Variants in ZNF76 observed in about 807,000 individuals in gnomAD.
The protein encoded by ZNF76 is zinc finger protein 76.
Under a neutral mutation model 66.9 loss-of-function variants are expected in ZNF76, and 66 were observed. The ratio of observed to expected loss-of-function variants is 0.99; its 90% CI spans 0.81 to 1.21. The LOEUF (loss-of-function observed/expected upper bound fraction) is 1.21, where lower values mean the gene tolerates loss of function less well. ZNF76 is among the 50% of genes most tolerant of loss of function. ZNF76 has a pLI of 0.00. For missense variants in ZNF76, 729 were observed against 760.3 expected, an observed-to-expected ratio of 0.96 and a Z score of 0.48; for synonymous variants, 275 against 296.1, an observed-to-expected ratio of 0.93 and a Z score of 0.73.
intron 5 of ZNF76, among the ~76,000 whole-genome samples, chr6:35,290,018 C>T (rs1299662825): frequency 6.6e-6 from 1 of 152,198 alleles, no homozygotes; most frequent in Non-Finnish European, 1.5e-5. Flanking sequence ...ATAGCCGTCA[C>T]AGCCACTATG....
intron 1 of ZNF76, among the ~76,000 whole-genome samples, chr6:35,273,178 A>C: frequency 6.6e-6 from 1 of 150,864 alleles, no homozygotes; most frequent in South Asian, 2.1e-4. Context: ...AAAAACAAAA[A>C]ACAAAAAAAA....
intron 1 of ZNF76, among the ~76,000 whole-genome samples, chr6:35,272,219 A>G (rs1205769134): frequency 2.0e-5 from 3 of 152,104 alleles, no homozygotes; most frequent in African/African-American, 7.2e-5. Flanking sequence ...AGGTGAGATG[A>G]TCACTTGAGG....
intron 11 of ZNF76, 136 bp downstream of exon 11, chr6:35,293,180 G>A: frequency 1.9e-6 from 2 of 1,028,764 alleles, no homozygotes; most frequent in Non-Finnish European, 1.4e-6. Flanking sequence ...TTCAGAGGCT[G>A]AGGCTGAGGA....
At chr6:35,294,227 A>G in intron 12 of ZNF76, 1 of 580,772 alleles carries the variant, frequency 1.7e-6, no homozygotes. Flanking sequence ...AATTTTTTAC[A>G]GCTCTGTCCT....
chr6:35,288,757 G>A (rs1304985647), intron 5 of ZNF76, among the ~76,000 whole-genome samples: 2 of 152,106 alleles, frequency 1.3e-5, no homozygotes, highest in African/African-American at 4.8e-5. Context: ...AGGAGTTTGA[G>A]ACCAGTCTGG....
chr6:35,283,332 C>T (rs575046944), intron 2 of ZNF76, among the ~76,000 whole-genome samples: 1 of 152,300 alleles, frequency 6.6e-6, no homozygotes. Flanking sequence ...GAGACCAGAA[C>T]CACACTTTCC....
At chr6:35,270,156 A>G (rs1786807036) in intron 1 of ZNF76, among the ~76,000 whole-genome samples, 1 of 152,034 alleles carries the variant, frequency 6.6e-6, no homozygotes, top group Non-Finnish European at 1.5e-5. Flanking sequence ...TTTTTTATTG[A>G]GACCAAGTCT....
intron 1 of ZNF76, among the ~76,000 whole-genome samples, chr6:35,265,646 C>G (rs1258305708): frequency 6.6e-6 from 1 of 152,046 alleles, no homozygotes; most frequent in Non-Finnish European, 1.5e-5. Context: ...GGGGGTAAGT[C>G]AAGCATACAT....
intron 1 of ZNF76, among the ~76,000 whole-genome samples, chr6:35,267,080 T>C (rs1048991446): frequency 7.2e-5 from 11 of 152,050 alleles, no homozygotes; most frequent in Admixed American, 2.0e-4. Context: ...ATTACAGGCT[T>C]GAGCCACTGC....
chr6:35,295,709 T>C lies in ZNF76; in HGVS notation c.*461T>C, dbSNP rs1018138036. On this transcript the variant is annotated 3_prime_UTR_variant, in exon 14 of 14. Coordinates refer to ENST00000373953, the MANE Select transcript of ZNF76 (RefSeq NM_003427.5). ...CCACCTCCCTGGAGGCCAGCTGAGA[T>C]GCCTGGCTACTTGGCACCAGGGACT... is the stretch of plus-strand genomic sequence containing the variant. The C allele has an allele frequency of 1.9e-5, 4 of 208,138 alleles. No individual in the cohort carries two copies. The highest frequency in any genetic ancestry group is 3.0e-5 in the Non-Finnish European group (3 of 98,564). 12.9% of individuals were successfully genotyped at this position (208,138 alleles called of 1,614,324 possible). A position where few individuals can be genotyped will look rare whatever the true frequency, so the allele number is the denominator to read the frequency against.
intron 11 of ZNF76, among the ~76,000 whole-genome samples, chr6:35,293,289 G>A (rs1314419399): frequency 1.3e-5 from 2 of 152,204 alleles, no homozygotes; most frequent in Admixed American, 1.3e-4. Flanking sequence ...TTACTTGGAG[G>A]CTGACAGGTC....
chr6:35,290,296 G>A lies in ZNF76; in HGVS notation c.463G>A (p.Gly155Arg). 1.2e-6 allele frequency: 2 copies of A among 1,614,202 alleles called. No homozygotes were observed. Among genetic ancestry groups the A allele is most frequent in the Non-Finnish European group, 1.7e-6 (2 of 1,180,036 alleles). Reference protein sequence around the residue: ...VLHDSQIPRNGKGQQVGDRAF... With the variant: ...VLHDSQIPRNRKGQQVGDRAF... The stretch of plus-strand genomic sequence containing the variant: ...TCATGACAGCCAGATTCCCCGTAAT[G>A]GAAAAGGGCAGCAAGTTGGAGACAG... The change falls in exon 6 of 14, where the codon GGA (glycine) becomes AGA (arginine). Residue 155 changes from glycine to arginine, a missense_variant. Physicochemically the swap from Gly to Arg is moderately radical, Grantham distance 125 (BLOSUM62 -2). Coordinates refer to ENST00000373953, the MANE Select transcript of ZNF76 (RefSeq NM_003427.5).
chr6:35,292,414 T>A lies in ZNF76; in HGVS notation c.932-140T>A, dbSNP rs1233527928. ...TTCCACTGGCCATCTTCCCCAACCCTGTCCATTCAGAGTCTCAGGTCTCAG... is the reference window on the plus strand; with the variant it reads ...TTCCACTGGCCATCTTCCCCAACCCAGTCCATTCAGAGTCTCAGGTCTCAG... On this transcript the variant is annotated intron_variant, in intron 9 of 13. Transcript: ENST00000373953. This position sits in a 1 kb window ranked among gnomAD's most constrained non-coding sequence, Gnocchi z 4.7. The A allele has an allele frequency of 1.2e-6, 1 of 811,998 alleles. No individual in the cohort carries two copies. Among genetic ancestry groups the A allele is most frequent in the East Asian group, 2.7e-5 (1 of 37,320 alleles). 50.3% of individuals were successfully genotyped at this position (811,998 alleles called of 1,614,324 possible). A position where few individuals can be genotyped will look rare whatever the true frequency, so the allele number is the denominator to read the frequency against.
At chr6:35,294,252 T>A (rs1790859459) in intron 12 of ZNF76, 2 of 590,652 alleles carry the variant, frequency 3.4e-6, no homozygotes, top group East Asian at 5.7e-5. Context: ...TGATTCAAAA[T>A]CCCTAAATTA....
Position 35,291,596 on chromosome 6 carries a change from C to G in ZNF76, c.790C>G (p.Arg264Gly). ...CCAGTGCCCTTTTGAGGGCTGTGGC[C>G]GCTCCTTCACCACATCTAACATCCG... ...PFQCPFEGCG[R>G]SFTTSNIRKV... Residue 264 changes from arginine to glycine, a missense_variant, in exon 9 of 14, where the codon CGC (arginine) becomes GGC (glycine). By Grantham distance (125) the Arg-to-Gly change is moderately radical (BLOSUM62 -2). Coordinates refer to ENST00000373953, the MANE Select transcript of ZNF76 (RefSeq NM_003427.5). 1 of 1,613,964 alleles carries G rather than the reference C, an allele frequency of 6.2e-7. No homozygotes were observed. Among genetic ancestry groups the G allele is most frequent in the Non-Finnish European group, 8.5e-7 (1 of 1,179,894 alleles).
Position 35,292,084 on chromosome 6 carries a change from A to C in ZNF76, c.931+347A>C. On this transcript the variant is annotated intron_variant, in intron 9 of 13. Transcript: ENST00000373953. The surrounding 1 kb of genome is among the most constrained non-coding windows in gnomAD (Gnocchi z 4.7). Reference sequence around the variant, plus strand: ...AGAAGCAGAGTGAACTGTCACCTTCAACTCCTCACCTTATCCGCCGTCCAT... The same window carrying C: ...AGAAGCAGAGTGAACTGTCACCTTCCACTCCTCACCTTATCCGCCGTCCAT... 1 of 442,390 alleles carries C rather than the reference A, an allele frequency of 2.3e-6. No homozygotes were observed. Among genetic ancestry groups the C allele is most frequent in the South Asian group, 2.4e-5 (1 of 41,688 alleles). 27.4% of individuals were successfully genotyped at this position (442,390 alleles called of 1,614,324 possible).
intron 12 of ZNF76, 32 bp downstream of exon 12, chr6:35,293,947 A>ATT (rs1330302908): frequency 6.2e-7 from 1 of 1,609,128 alleles, no homozygotes; most frequent in Non-Finnish European, 8.5e-7. Flanking sequence ...GGGGTTTCTT[A>ATT]TTTTGTCATT....
In ZNF76 at chr6:35,290,731, G is replaced by A; in HGVS notation, c.625+15G>A. 1.2e-6 allele frequency: 2 copies of A among 1,613,918 alleles called. No homozygotes were observed. The highest frequency in any genetic ancestry group is 4.5e-5 in the East Asian group (2 of 44,884). ...CTTTGCCACAGGTAACCTGCCTGGT[G>A]GGCTGCTTCCAGTTGAGGGTGGAGG... On this transcript the variant is annotated intron_variant, in intron 7 of 13. Coordinates refer to ENST00000373953, the MANE Select transcript of ZNF76 (RefSeq NM_003427.5).
At chr6:35,275,799 T>G (rs1280576634) in intron 1 of ZNF76, among the ~76,000 whole-genome samples, 1 of 152,242 alleles carries the variant, frequency 6.6e-6, no homozygotes, top group Non-Finnish European at 1.5e-5. Flanking sequence ...AGGGTTATTT[T>G]GGGAAGTGTG....
Sources: gnomAD v4.1 joint callset for allele counts (sites outside exome capture counted in the v4.1 genomes callset) on GRCh38, gnomAD v4.1.1 for gene constraint, Gnocchi (gnomAD v3.1) non-coding constraint, MANE v1.5 for transcripts, NCBI Gene and HGNC (gene_info 2026-07-23, HGNC 2026-07-21) for gene names.